Variants in MAP4K5 observed in about 807,000 individuals in gnomAD.
MAP4K5 encodes the protein mitogen-activated protein kinase kinase kinase kinase 5, also known as MAPK/ERK kinase kinase kinase 5.
MAP4K5 carries 82 observed loss-of-function variants against 135.6 expected under a neutral mutation model. The ratio of observed to expected loss-of-function variants is 0.60; its 90% CI spans 0.51 to 0.73. The LOEUF (loss-of-function observed/expected upper bound fraction) is 0.73, where lower values mean the gene tolerates loss of function less well. MAP4K5 is among the 30% of genes least tolerant of loss of function. The pLI, the probability that MAP4K5 is intolerant of heterozygous loss-of-function variation, is 0.00. For missense variants in MAP4K5, 907 were observed against 1,010.9 expected (o/e 0.90, Z 1.39); for synonymous variants, 347 against 335.0 (o/e 1.04, Z -0.39).
intron 31 of MAP4K5, 53 bp downstream of exon 31, chr14:50,425,854 C>T (rs1323661762): frequency 2.2e-5 from 28 of 1,268,586 alleles, no homozygotes; most frequent in Admixed American, 3.7e-5. Flanking sequence ...ACGAGTGCTT[C>T]GACATTTAAA....
At chr14:50,535,512 A>G (rs972737975), upstream of MAP4K5, among the ~76,000 whole-genome samples, 1 of 152,274 alleles carries the variant, frequency 6.6e-6, no homozygotes, top group Non-Finnish European at 1.5e-5. Context: ...TCTGTTAAAC[A>G]GAAATCAATT....
At chr14:50,475,358 A>G (rs1489013579) in intron 8 of MAP4K5, among the ~76,000 whole-genome samples, 1 of 152,204 alleles carries the variant, frequency 6.6e-6, no homozygotes, top group Admixed American at 6.5e-5. Context: ...AAAATACTTT[A>G]TTAAGAACAA....
chr14:50,528,557 TAA>T (rs34304236), intron 2 of MAP4K5, among the ~76,000 whole-genome samples: 5 of 143,238 alleles, frequency 3.5e-5, no homozygotes, highest in Admixed American at 7.0e-5. Flanking sequence ...GTCTTTACAT[TAA>T]AAAAAAAAAA....
At chr14:50,487,060 A>G (rs1357953163) in intron 3 of MAP4K5, among the ~76,000 whole-genome samples, 1 of 152,252 alleles carries the variant, frequency 6.6e-6, no homozygotes, top group African/African-American at 2.4e-5. Context: ...GTTCAAAACC[A>G]AAACAGAGCT....
intron 32 of MAP4K5, 64 bp downstream of exon 32, chr14:50,423,057 G>C: frequency 2.8e-6 from 2 of 720,600 alleles, no homozygotes; most frequent in Non-Finnish European, 2.4e-6. Flanking sequence ...CAGACTGACA[G>C]TATAATTAAG....
intron 3 of MAP4K5, among the ~76,000 whole-genome samples, chr14:50,494,788 T>C (rs897231761): frequency 2.6e-5 from 4 of 152,140 alleles, no homozygotes; most frequent in African/African-American, 9.7e-5. Flanking sequence ...GTAGTATATA[T>C]GGTCAAATGA....
At chr14:50,482,270 G>T in intron 6 of MAP4K5, 91 bp downstream of exon 6, 1 of 661,556 alleles carries the variant, frequency 1.5e-6, no homozygotes, top group South Asian at 2.4e-5. Context: ...TCATTTTATA[G>T]TTATCAATTG....
At chr14:50,535,650 T>C (rs573528550), upstream of MAP4K5, among the ~76,000 whole-genome samples, 2 of 152,348 alleles carry the variant, frequency 1.3e-5, no homozygotes, top group South Asian at 4.1e-4. Flanking sequence ...ATAGGGCAAT[T>C]TTTATATAAT....
Position 50,445,182 on chromosome 14 carries a change from TGCTTATCCTTG to T in MAP4K5, c.1187_1197del (p.Pro396GlnfsTer4). ...TCCGGAAAGTTGTCTTCAGGGTAAC[TGCTTATCCTTG>T]GCTAGTGGTACAAAGACAAAAAAGT... On this transcript the variant is annotated frameshift_variant and splice_region_variant, in exon 18 of 33. Transcript: ENST00000682126. LOFTEE classifies it high-confidence loss of function. 6.2e-7 allele frequency: 1 copy of T among 1,613,268 alleles called. No homozygotes were observed.
At chr14:50,552,784 A>G (rs967907556) in intron 1 of MAP4K5, among the ~76,000 whole-genome samples, 1 of 152,202 alleles carries the variant, frequency 6.6e-6, no homozygotes, top group Non-Finnish European at 1.5e-5. Context: ...TATTCAATAA[A>G]TGGTGCTGGG....
chr14:50,462,201 T>G (rs2036726308), intron 13 of MAP4K5, among the ~76,000 whole-genome samples: 1 of 152,216 alleles, frequency 6.6e-6, no homozygotes, highest in South Asian at 2.1e-4. Flanking sequence ...TTTTCTTGGT[T>G]GAAAGCAAGG....
At chr14:50,524,184 G>A (rs1323643866) in intron 2 of MAP4K5, among the ~76,000 whole-genome samples, 1 of 152,182 alleles carries the variant, frequency 6.6e-6, no homozygotes, top group Non-Finnish European at 1.5e-5. Flanking sequence ...ACTGAATGCT[G>A]TAATCACTCA....
intron 9 of MAP4K5, chr14:50,471,888 T>C (rs745610181): frequency 1.3e-5 from 2 of 152,190 alleles, no homozygotes; most frequent in South Asian, 2.1e-4. Context: ...AAAGAACACA[T>C]AGAGAGAAAT....
intron 6 of MAP4K5, among the ~76,000 whole-genome samples, chr14:50,479,788 T>C (rs2037196287): frequency 6.6e-6 from 1 of 152,166 alleles, no homozygotes; most frequent in African/African-American, 2.4e-5. Flanking sequence ...TTTTCAAAAA[T>C]ACTCCAATAC....
At chr14:50,525,077 C>A (rs1316767886) in intron 2 of MAP4K5, among the ~76,000 whole-genome samples, 1 of 152,186 alleles carries the variant, frequency 6.6e-6, no homozygotes, top group Admixed American at 6.5e-5. Context: ...TACAAACTCT[C>A]CTGGGTGACC....
chr14:50,461,623 T>C (rs530421562), intron 13 of MAP4K5, among the ~76,000 whole-genome samples: 3 of 152,104 alleles, frequency 2.0e-5, no homozygotes, highest in Non-Finnish European at 4.4e-5. Flanking sequence ...TGTGTTGTTA[T>C]AGAAAATACA....
chr14:50,421,805 T>C (rs1400166779), intron 32 of MAP4K5, among the ~76,000 whole-genome samples: 1 of 151,832 alleles, frequency 6.6e-6, no homozygotes, highest in Non-Finnish European at 1.5e-5. Context: ...AAACGGCCTC[T>C]GATGCCAACC....
intron 14 of MAP4K5, among the ~76,000 whole-genome samples, chr14:50,453,258 T>C (rs1039693752): frequency 6.6e-6 from 1 of 151,090 alleles, no homozygotes; most frequent in African/African-American, 2.4e-5. Flanking sequence ...CAATACACTC[T>C]TCAGATGACA....
At chr14:50,468,876 G>A in intron 9 of MAP4K5, 94 bp from the exon 10 acceptor site, 1 of 1,184,500 alleles carries the variant, frequency 8.4e-7, no homozygotes, top group Admixed American at 2.1e-5. Flanking sequence ...TTGGAGGGAA[G>A]GAAGCTGAGA....
Sources: allele counts gnomAD v4.1 joint callset (sites outside exome capture counted in the v4.1 genomes callset), GRCh38; gene constraint gnomAD v4.1.1; transcripts MANE v1.5; gene names NCBI Gene and HGNC (gene_info 2026-07-23, HGNC 2026-07-21).